The following WDFY4 variants were observed in gnomAD, a reference collection of about 807,000 sequenced individuals.
The protein encoded by WDFY4 is WDFY family member 4.
Under a neutral mutation model 351.9 loss-of-function variants are expected in WDFY4, and 169 were observed. That is an observed-to-expected ratio of 0.48 (90% CI 0.42 to 0.55). The LOEUF (loss-of-function observed/expected upper bound fraction) is 0.55. Ranked by LOEUF, WDFY4 falls within the 20% of genes least tolerant of loss-of-function variation. The probability of loss-of-function intolerance (pLI) is 0.00; values close to 1 mark genes in which losing one functional copy is unlikely to be tolerated. For synonymous variants in WDFY4, 1,622 were observed against 1,574.6 expected (o/e 1.03, Z -0.71); for missense variants, 3,803 against 3,935.6 (o/e 0.97, Z 0.90).
Position 48,807,924 on chromosome 10 carries a change from G to A in WDFY4, c.4804G>A (p.Val1602Ile). The A allele has an allele frequency of 1.3e-6, 2 of 1,550,130 alleles. No individual in the cohort carries two copies. The highest frequency in any genetic ancestry group is 4.9e-5 in the East Asian group (2 of 40,780). ...CCAGTTGCTGGAGATGCTGCTCAGT[G>A]TAATATCTTCCCCCCAGCTTCATCT... is the stretch of plus-strand genomic sequence containing the variant. ...RNQLLEMLLS[V>I]ISSPQLHLSS... Residue 1602 changes from valine to isoleucine, a missense_variant, in exon 28 of 62, where the codon GTA (valine) becomes ATA (isoleucine). Val to Ile is a conservative substitution (Grantham distance 29). Coordinates refer to ENST00000325239, the MANE Select transcript of WDFY4 (RefSeq NM_001394531.1).
In WDFY4 at chr10:48,828,675, T is replaced by C. The variant is rs74932433; in HGVS notation, c.6222-103T>C. The C allele has an allele frequency of 2.4e-3, 1,588 of 675,008 alleles. 2 individuals are homozygous for C. The highest frequency in any genetic ancestry group is 0.013 in the Middle Eastern group (37 of 2,952). The allele number at this position is 675,008 out of a possible 1,614,324, so 41.8% of individuals were successfully genotyped here. A position where few individuals can be genotyped will look rare whatever the true frequency, so the allele number is the denominator to read the frequency against. ...AGGCAAGTTTTTTTCCATATTGATA[T>C]AGATAATTATTGGAGGATGATTATT... On this transcript the variant is annotated intron_variant, in intron 36 of 61. Coordinates refer to ENST00000325239, the MANE Select transcript of WDFY4 (RefSeq NM_001394531.1).
intron 59 of WDFY4, chr10:48,977,239 A>G: frequency 3.4e-6 from 1 of 293,538 alleles, no homozygotes; most frequent in Non-Finnish European, 6.2e-6. Context: ...CTGTTACAAC[A>G]TATAAAAGTT....
intron 47 of WDFY4, among the ~76,000 whole-genome samples, chr10:48,931,893 C>A (rs1840033770): frequency 6.6e-6 from 1 of 152,166 alleles, no homozygotes; most frequent in South Asian, 2.1e-4. Flanking sequence ...ATGATGTGGT[C>A]AGGACAGGGC....
chr10:48,837,416 G>A (rs1189015246), intron 39 of WDFY4, among the ~76,000 whole-genome samples: 1 of 152,126 alleles, frequency 6.6e-6, no homozygotes, highest in Non-Finnish European at 1.5e-5. Context: ...CAGAGTCATG[G>A]CATCTGCTCC....
Position 48,805,396 on chromosome 10 carries a change from C to T in WDFY4, c.4621C>T (p.His1541Tyr). 6.5e-7 allele frequency: 1 copy of T among 1,549,154 alleles called. No individual in the cohort carries two copies. Among genetic ancestry groups the T allele is most frequent in the Non-Finnish European group, 8.7e-7 (1 of 1,147,018 alleles). The change falls in exon 26 of 62, where the codon CAC becomes TAC. Residue 1541 changes from histidine (H) to tyrosine (Y), a missense_variant. Around this residue, in one of 3 missense-constraint regions of WDFY4, gnomAD observed 3,054 missense variants for 3,148.6 expected, o/e 0.97. Transcript: ENST00000325239. ...CATCCTGGCCTGTCAGCTGAGGGGC[C>T]ACTTCAGCACCCAGGACTTGCTCAG... ...IGILACQLRG[H>Y]FSTQDLLRIG...
intron 47 of WDFY4, chr10:48,913,544 C>G (rs754530174): frequency 2.5e-6 from 4 of 1,614,118 alleles, no homozygotes; most frequent in Middle Eastern, 3.3e-4. Context: ...CACACAGATC[C>G]TTCTCCTCCA....
At chr10:48,904,183 T>C (rs1441582410) in intron 47 of WDFY4, among the ~76,000 whole-genome samples, 2 of 152,132 alleles carry the variant, frequency 1.3e-5, no homozygotes, top group African/African-American at 2.4e-5. Flanking sequence ...CCTTTATAGA[T>C]TGTGGTGAAG....
chr10:48,852,979 T>G (rs1442535349), intron 39 of WDFY4, among the ~76,000 whole-genome samples: 2 of 152,194 alleles, frequency 1.3e-5, no homozygotes, highest in African/African-American at 2.4e-5. Context: ...CTGAAATGAT[T>G]CTTGCAGAAA....
intron 3 of WDFY4, 37 bp downstream of exon 3, chr10:48,720,162 G>A: frequency 5.2e-6 from 8 of 1,543,574 alleles, no homozygotes; most frequent in Non-Finnish European, 5.3e-6. Context: ...CCTCTACAGA[G>A]AGCAGTGCAG....
chr10:48,957,218 G>A lies in WDFY4; in HGVS notation c.8067G>A (p.Arg2689=), dbSNP rs774122004. The change falls in exon 52 of 62, where the codon AGG becomes AGA. Residue 2689 remains arginine (R), a synonymous_variant. Transcript: ENST00000325239. The stretch of plus-strand genomic sequence containing the variant: ...CCAGAGAGAACATGAGTGACGTCAG[G>A]GAGCTGACCCCAGAGTTCTTCTACC... ...SASRENMSDV[R]ELTPEFFYLP... is the part of the protein sequence containing the mutation. The A allele has an allele frequency of 5.0e-5, 77 of 1,551,590 alleles. 1 individual carries two copies. In the Middle Eastern group the frequency reaches 1.2e-3, roughly 23 times the overall value.
At chr10:48,746,057 G>C (rs572264316) in intron 12 of WDFY4, 2 of 164,470 alleles carry the variant, frequency 1.2e-5, no homozygotes, top group African/African-American at 4.8e-5. Flanking sequence ...AGCAGTACCT[G>C]CTTCACCACA....
intron 13 of WDFY4, among the ~76,000 whole-genome samples, chr10:48,768,327 G>A (rs1043009255): frequency 2.0e-5 from 3 of 152,150 alleles, no homozygotes; most frequent in African/African-American, 7.2e-5. Flanking sequence ...GCTGGCATGG[G>A]GCAGGGTATG....
At chr10:48,914,587 AC>A (rs1838332488) in intron 47 of WDFY4, among the ~76,000 whole-genome samples, 1 of 152,014 alleles carries the variant, frequency 6.6e-6, no homozygotes, top group Non-Finnish European at 1.5e-5. Flanking sequence ...CCCTTCCTAG[AC>A]CCCTGCATTA....
At chr10:48,817,567 T>G (rs768945786) in intron 32 of WDFY4, among the ~76,000 whole-genome samples, 158 bp downstream of exon 32, 1 of 152,270 alleles carries the variant, frequency 6.6e-6, no homozygotes, top group Non-Finnish European at 1.5e-5. Context: ...AACCATCCTT[T>G]TTTGGCTGAG....
intron 28 of WDFY4, among the ~76,000 whole-genome samples, 185 bp from the exon 29 acceptor site, chr10:48,810,345 T>A (rs2067405268): frequency 6.6e-6 from 1 of 152,240 alleles, no homozygotes; most frequent in Admixed American, 6.5e-5. Context: ...GACAAATGCA[T>A]CATTTGCACA....
intron 47 of WDFY4, among the ~76,000 whole-genome samples, chr10:48,914,988 G>A (rs1443193042): frequency 6.6e-6 from 1 of 152,178 alleles, no homozygotes; most frequent in African/African-American, 2.4e-5. Flanking sequence ...AAATGGCCGT[G>A]ACTGCCTCAG....
At chr10:48,858,684 T>A (rs1262849347) in intron 39 of WDFY4, among the ~76,000 whole-genome samples, 4 of 152,196 alleles carry the variant, frequency 2.6e-5, no homozygotes, top group African/African-American at 9.6e-5. Flanking sequence ...GTTTTAACTC[T>A]CCTAGTCCCT....
intron 2 of WDFY4, among the ~76,000 whole-genome samples, chr10:48,718,593 G>A (rs2063981360): frequency 6.6e-6 from 1 of 152,214 alleles, no homozygotes; most frequent in Admixed American, 6.5e-5. Flanking sequence ...AATGTGCACA[G>A]CAGCTGACCT....
chr10:48,820,166 G>A (rs2067767563), intron 32 of WDFY4, 68 bp from the exon 33 acceptor site: 14 of 1,507,996 alleles, frequency 9.3e-6, no homozygotes, highest in African/African-American at 2.8e-5. Context: ...CATGTACATG[G>A]CACAGGTTGG....
Sources: allele counts gnomAD v4.1 joint callset (sites outside exome capture counted in the v4.1 genomes callset), GRCh38; gene constraint gnomAD v4.1.1; regional missense constraint gnomAD v4.1.1; transcripts MANE v1.5; gene names NCBI Gene and HGNC (gene_info 2026-07-23, HGNC 2026-07-21).